TPO: variants seen among roughly 807,000 people sequenced by gnomAD.
TPO encodes the protein thyroid peroxidase, also known as thyroid microsomal antigen.
TPO carries 78 observed loss-of-function variants against 96.9 expected under a neutral mutation model. That is an observed-to-expected ratio of 0.81 (90% CI 0.67 to 0.97). The LOEUF (loss-of-function observed/expected upper bound fraction) is 0.97. Among genes scored for constraint, TPO ranks in the 50% least tolerant of loss-of-function variants. TPO has a pLI of 0.00. For missense variants in TPO, 1,252 were observed against 1,274.8 expected (o/e 0.98, Z 0.27); for synonymous variants, 547 against 538.0 (o/e 1.02, Z -0.23).
At chr2:1,453,955 C>A in intron 6 of TPO, 132 bp downstream of exon 6, 1 of 1,380,372 alleles carries the variant, frequency 7.2e-7, no homozygotes, top group Non-Finnish European at 1.0e-6. Context: ...TCCCAGCCTC[C>A]CTTTGATGTA....
In TPO at chr2:1,420,319, G is replaced by A. The variant is rs186679361; in HGVS notation, c.95-2726G>A. 2.2e-3 allele frequency among the ~76,000 whole-genome samples: 329 copies of A among 152,230 alleles called. 1 individual carries two copies. The highest frequency in any genetic ancestry group is 0.01 in the Middle Eastern group (3 of 294). ...ATGTTTCTTTATATTTAATCAGTTGGTTCTTAAATAATTGTCAAGTGCCTG... is the reference window on the plus strand; with the variant it reads ...ATGTTTCTTTATATTTAATCAGTTGATTCTTAAATAATTGTCAAGTGCCTG... On this transcript the variant is annotated intron_variant, in intron 2 of 16. Transcript: ENST00000329066.
chr2:1,530,362 C>G (rs1211092811), intron 15 of TPO, among the ~76,000 whole-genome samples: 1 of 147,190 alleles, frequency 6.8e-6, no homozygotes, highest in Admixed American at 6.7e-5. Context: ...TGTGCAACGT[C>G]CCCAAATATC....
At chr2:1,395,964 C>T (rs974728002) in intron 1 of TPO, among the ~76,000 whole-genome samples, 3 of 152,208 alleles carry the variant, frequency 2.0e-5, no homozygotes, top group African/African-American at 7.2e-5. Flanking sequence ...ATAAGTTACC[C>T]AGTCTGGGAT....
chr2:1,446,998 G>A (rs1000481708), intron 5 of TPO, among the ~76,000 whole-genome samples: 1 of 152,054 alleles, frequency 6.6e-6, no homozygotes, highest in Non-Finnish European at 1.5e-5. Flanking sequence ...GTGTGTGTGT[G>A]TATGTGTGTG....
In TPO at chr2:1,493,215, G is replaced by A. The variant is rs1367494943; in HGVS notation, c.1769-587G>A. Reference sequence around the variant, plus strand: ...GTGTGTGTGTGTGAGTGGGTGGGGGGGGGGGTGCTGGCTTCTGTGTGTGCT... The same window carrying A: ...GTGTGTGTGTGTGAGTGGGTGGGGGAGGGGGTGCTGGCTTCTGTGTGTGCT... On this transcript the variant is annotated intron_variant, in intron 10 of 16. Coordinates refer to ENST00000329066, the MANE Select transcript of TPO (RefSeq NM_001206744.2). Among the ~76,000 whole-genome samples, 4 of 123,008 alleles carry A rather than the reference G, an allele frequency of 3.3e-5. No individual in the cohort carries two copies. The Admixed American group carries it at 3.4e-4, about 10-fold the overall frequency. 80.7% of individuals were successfully genotyped at this position (123,008 alleles called of 152,430 possible).
rs142095627 is a variant in TPO, at chr2:1,448,316, G to A, written c.483-5378G>A. On this transcript the variant is annotated intron_variant, in intron 5 of 16. Coordinates refer to ENST00000329066, the MANE Select transcript of TPO (RefSeq NM_001206744.2). ...CCTGCATGCAGCTCCTGCACGCATC[G>A]GCTGGGCTCGCAGATGTCAGGTCCG... Among the ~76,000 whole-genome samples the A allele has an allele frequency of 6.5e-3, 989 of 152,294 alleles. 7 individuals are homozygous for A. Among genetic ancestry groups the A allele is most frequent in the Non-Finnish European group, 9.8e-3 (670 of 68,022 alleles).
chr2:1,477,170 G>A lies in TPO; in HGVS notation c.904G>A (p.Gly302Ser). ...GGCCGCCTGCGGCACCGGGGACCAA[G>A]GCGCGCTCTTTGGGAACCTGTCCAC... Reference protein sequence around the residue: ...SSAACGTGDQGALFGNLSTAN... With the variant: ...SSAACGTGDQSALFGNLSTAN... Residue 302 changes from glycine to serine, a missense_variant, in exon 8 of 17, where the codon GGC becomes AGC. By Grantham distance (56) the Gly-to-Ser change is moderately conservative. Coordinates refer to ENST00000329066, the MANE Select transcript of TPO (RefSeq NM_001206744.2). 1.2e-6 allele frequency: 2 copies of A among 1,610,088 alleles called. No homozygotes were observed. Among genetic ancestry groups the A allele is most frequent in the Non-Finnish European group, 1.7e-6 (2 of 1,179,046 alleles).
chr2:1,516,350 C>A (rs192092562), intron 14 of TPO, among the ~76,000 whole-genome samples: 28 of 152,348 alleles, frequency 1.8e-4, no homozygotes, highest in Non-Finnish European at 3.4e-4. Context: ...CCCCGTCCCC[C>A]CAGGGCTCCA....
chr2:1,382,900 C>T (rs1367063726), intron 1 of TPO, among the ~76,000 whole-genome samples: 2 of 125,602 alleles, frequency 1.6e-5, no homozygotes, highest in African/African-American at 5.9e-5. Context: ...CAACAGGCCC[C>T]AGTGTGTGAT....
intron 1 of TPO, among the ~76,000 whole-genome samples, chr2:1,399,452 A>G (rs1662132504): frequency 6.6e-6 from 1 of 152,206 alleles, no homozygotes. Context: ...ACCCACGGTG[A>G]AGCTTAGTTT....
At chr2:1,396,256 A>G (rs935131441) in intron 1 of TPO, among the ~76,000 whole-genome samples, 10 of 152,224 alleles carry the variant, frequency 6.6e-5, no homozygotes, top group African/African-American at 2.2e-4. Context: ...TGGGAAACTC[A>G]AACCTGCCCC....
chr2:1,520,966 T>C (rs576000548), intron 15 of TPO, among the ~76,000 whole-genome samples: 4 of 152,228 alleles, frequency 2.6e-5, no homozygotes, highest in Non-Finnish European at 5.9e-5. Context: ...TCCAGTCCTT[T>C]CTCCATTCGC....
chr2:1,514,014 G>A lies in TPO; in HGVS notation c.2519-2869G>A, dbSNP rs114391367. On this transcript the variant is annotated intron_variant, in intron 14 of 16. Transcript: ENST00000329066. ...ACATGTGCTTCTAGCTCTATGTACC[G>A]ATATGTGAAAGCATCTCTATTCTGC... 7.4e-3 allele frequency among the ~76,000 whole-genome samples: 1,124 copies of A among 152,270 alleles called. 20 individuals are homozygous for A. The highest frequency in any genetic ancestry group is 0.025 in the African/African-American group (1,053 of 41,540).
chr2:1,376,298 G>A lies in TPO; in HGVS notation n.180+1896G>A, dbSNP rs9710779. 5.0e-3 allele frequency among the ~76,000 whole-genome samples: 756 copies of A among 152,296 alleles called. 5 individuals carry two copies. The highest frequency in any genetic ancestry group is 0.017 in the African/African-American group (689 of 41,566). On this transcript the variant is annotated intron_variant and non_coding_transcript_variant, in intron 1 of 5. Coordinates refer to the TPO transcript ENST00000497517. ...CTTTCCAGTGAAAGCTCCCACATGC[G>A]TTGATGTGAACTGGATTGACCAGAC...
chr2:1,392,871 T>C (rs1662024988), intron 1 of TPO, among the ~76,000 whole-genome samples: 1 of 152,196 alleles, frequency 6.6e-6, no homozygotes, highest in Non-Finnish European at 1.5e-5. Context: ...TGCATCTATT[T>C]GATTCTTCTC....
intron 15 of TPO, among the ~76,000 whole-genome samples, chr2:1,538,974 C>T (rs1300382532): frequency 1.3e-5 from 2 of 152,130 alleles, no homozygotes; most frequent in African/African-American, 2.4e-5. Flanking sequence ...GCCTTCTCCC[C>T]TGCGTGTCTG....
chr2:1,478,138 C>CTAT, intron 8 of TPO: 1 of 985,348 alleles, frequency 1.0e-6, no homozygotes, highest in African/African-American at 1.7e-5. Flanking sequence ...AAGTTAGAGT[C>CTAT]TATTTGAAAC....
Position 1,453,790 on chromosome 2 carries a change from C to T in TPO, c.579C>T (p.Pro193=), listed in dbSNP as rs1017839398. Reference sequence around the variant, plus strand: ...TCAGTCAGCCCCGAGGCTGGAACCCCGGCTTCTTGTACAACGGGTTCCCAC... The same window carrying T: ...TCAGTCAGCCCCGAGGCTGGAACCCTGGCTTCTTGTACAACGGGTTCCCAC... ...DGFSQPRGWN[P]GFLYNGFPLP... The change falls in exon 6 of 17, where the codon CCC becomes CCT. Residue 193 remains proline (P), a synonymous_variant. Coordinates refer to ENST00000329066, the MANE Select transcript of TPO (RefSeq NM_001206744.2). The T allele has an allele frequency of 1.4e-5, 23 of 1,613,744 alleles. No homozygotes were observed. The highest frequency in any genetic ancestry group is 3.3e-5 in the Admixed American group (2 of 60,008).
At chr2:1,539,418 A>C (rs968752915) in intron 15 of TPO, among the ~76,000 whole-genome samples, 7 of 152,164 alleles carry the variant, frequency 4.6e-5, no homozygotes, top group Non-Finnish European at 1.0e-4. Context: ...GGCTGAAGCG[A>C]TGACTAAATG....
Sources: gnomAD v4.1 joint callset for allele counts (sites outside exome capture counted in the v4.1 genomes callset) on GRCh38, gnomAD v4.1.1 for gene constraint, MANE v1.5 for transcripts, NCBI Gene and HGNC (gene_info 2026-07-23, HGNC 2026-07-21) for gene names.